Variants in CTNND2 observed in about 807,000 individuals in gnomAD.
The protein encoded by CTNND2 is catenin delta-2.
A neutral mutation model predicts 144.4 loss-of-function variants in CTNND2; 22 were observed. That is an observed-to-expected ratio of 0.15 (90% CI 0.11 to 0.22). The LOEUF (loss-of-function observed/expected upper bound fraction) is 0.22. CTNND2 is among the 10% of genes least tolerant of loss of function. CTNND2 has a pLI of 1.00. For synonymous variants in CTNND2, 751 were observed against 695.6 expected (o/e 1.08, Z -1.25); for missense variants, 1,353 against 1,618.8 (o/e 0.84, Z 2.82).
chr5:11,563,250 G>C (rs1458220953), intron 3 of CTNND2, among the ~76,000 whole-genome samples: 1 of 152,262 alleles, frequency 6.6e-6, no homozygotes, highest in African/African-American at 2.4e-5. Context: ...AGAAATATCA[G>C]GAACATGAAC....
intron 9 of CTNND2, among the ~76,000 whole-genome samples, chr5:11,271,765 T>G (rs1173475903): frequency 6.6e-6 from 1 of 152,200 alleles, no homozygotes; most frequent in African/African-American, 2.4e-5. Context: ...CACCAAGGAC[T>G]GGCTGAATGA....
At chr5:11,029,671 C>A (rs1304550185) in intron 16 of CTNND2, among the ~76,000 whole-genome samples, 1 of 152,092 alleles carries the variant, frequency 6.6e-6, no homozygotes, top group African/African-American at 2.4e-5. Context: ...TAGAAAATTT[C>A]TCTTTAATTA....
chr5:11,733,286 G>T (rs1787496952), intron 1 of CTNND2, among the ~76,000 whole-genome samples: 1 of 152,036 alleles, frequency 6.6e-6, no homozygotes, highest in South Asian at 2.1e-4. Context: ...CTCAACATGT[G>T]GGCTCTGACA....
intron 1 of CTNND2, among the ~76,000 whole-genome samples, chr5:11,734,444 A>G (rs1289716571): frequency 6.6e-6 from 1 of 152,180 alleles, no homozygotes; most frequent in African/African-American, 2.4e-5. Flanking sequence ...GTCTCAAGAG[A>G]TCTGTAGCTC....
At chr5:11,083,686 T>C (rs1276908206) in intron 15 of CTNND2, among the ~76,000 whole-genome samples, 1 of 152,248 alleles carries the variant, frequency 6.6e-6, no homozygotes, top group Non-Finnish European at 1.5e-5. Flanking sequence ...GAGTACAATA[T>C]AAAAATTCAC....
At chr5:11,772,591 T>C (rs1347612083) in intron 1 of CTNND2, among the ~76,000 whole-genome samples, 1 of 152,178 alleles carries the variant, frequency 6.6e-6, no homozygotes, top group Non-Finnish European at 1.5e-5. Flanking sequence ...AAGAGTAAAC[T>C]ATAGATTAAA....
At chr5:10,986,611 G>GT in intron 20 of CTNND2, 1 of 360,916 alleles carries the variant, frequency 2.8e-6, no homozygotes, top group Non-Finnish European at 5.4e-6. Context: ...CAACATGTAA[G>GT]GGGAAACAGT....
chr5:11,583,425 C>T (rs1778591435), intron 2 of CTNND2, among the ~76,000 whole-genome samples: 1 of 152,068 alleles, frequency 6.6e-6, no homozygotes, highest in South Asian at 2.1e-4. Context: ...TGAGCAATGC[C>T]CATGGATAGA....
chr5:10,988,345 T>C lies in CTNND2; in HGVS notation c.3212-103A>G, dbSNP rs1480277782. 18 of 1,410,860 alleles carry C rather than the reference T, an allele frequency of 1.3e-5. No homozygotes were observed. The highest frequency in any genetic ancestry group is 1.8e-5 in the Non-Finnish European group (18 of 1,022,738). 87.4% of individuals were successfully genotyped at this position (1,410,860 alleles called of 1,614,324 possible). A position where few individuals can be genotyped will look rare whatever the true frequency, so the allele number is the denominator to read the frequency against. ...CACTATGCATGGTCCCGCATCTCAA[T>C]GCCTACGTGAGGACCTGATGGGTTT... On this transcript the variant is annotated intron_variant, in intron 19 of 21. Transcript: ENST00000304623. This position sits in a 1 kb window ranked among gnomAD's most constrained non-coding sequence, Gnocchi z 5.9.
intron 1 of CTNND2, among the ~76,000 whole-genome samples, chr5:11,860,825 C>T (rs1795468575): frequency 6.6e-6 from 1 of 152,152 alleles, no homozygotes; most frequent in African/African-American, 2.4e-5. Flanking sequence ...AACATGTCAA[C>T]CCCCTAAATA....
intron 2 of CTNND2, among the ~76,000 whole-genome samples, chr5:11,715,403 A>G (rs1786295355): frequency 6.6e-6 from 1 of 152,236 alleles, no homozygotes; most frequent in Non-Finnish European, 1.5e-5. Flanking sequence ...ATTCCTTCTG[A>G]GTGAATCCAG....
rs201175821 is a variant in CTNND2 at position 11,012,183 on chromosome 5, A to C, written c.3084+5791T>G. ...CTGCTGTTCCATTTGAGACATCAGC[A>C]ATCCACTGAGGCAAGTGTTATGGCT... On this transcript the variant is annotated intron_variant, in intron 18 of 21. Coordinates refer to ENST00000304623, the MANE Select transcript of CTNND2 (RefSeq NM_001332.4). 1.1e-4 allele frequency among the ~76,000 whole-genome samples: 16 copies of C among 152,326 alleles called. No homozygotes were observed. In the East Asian group the frequency reaches 3.1e-3, roughly 29 times the overall value.
At chr5:10,984,137 C>CTTGTT (rs906748199) in intron 20 of CTNND2, among the ~76,000 whole-genome samples, 1 of 152,158 alleles carries the variant, frequency 6.6e-6, no homozygotes, top group African/African-American at 2.4e-5. Context: ...TTGCTGGGAA[C>CTTGTT]TTGTTATACT....
chr5:11,263,000 A>G (rs1248269834), intron 9 of CTNND2, among the ~76,000 whole-genome samples: 1 of 152,116 alleles, frequency 6.6e-6, no homozygotes, highest in Non-Finnish European at 1.5e-5. Flanking sequence ...GATGGCTCTC[A>G]CAAAAGCATA....
chr5:11,744,105 T>A (rs1354749556), intron 1 of CTNND2, among the ~76,000 whole-genome samples: 1 of 152,202 alleles, frequency 6.6e-6, no homozygotes, highest in Non-Finnish European at 1.5e-5. Flanking sequence ...TGGGAGCAGG[T>A]CTTCCTTTGG....
At position 11,199,494 on chromosome 5, in the gene CTNND2, C is replaced by T; in HGVS notation, c.1929G>A (p.Arg643=). Residue 643 remains arginine (R), a synonymous_variant, in exon 11 of 22, where the codon AGG becomes AGA. Transcript: ENST00000304623. Reference sequence around the variant, plus strand: ...CCAGGTCAGTCGTCTTGCGGAGTAACCTCACCAGTGCTGGGATGCCACCAC... The same window carrying T: ...CCAGGTCAGTCGTCTTGCGGAGTAATCTCACCAGTGCTGGGATGCCACCAC... ...KNCGGIPALV[R]LLRKTTDLEI... 1 of 1,614,160 alleles carries T rather than the reference C, an allele frequency of 6.2e-7. No individual in the cohort carries two copies. Among genetic ancestry groups the T allele is most frequent in the Non-Finnish European group, 8.5e-7 (1 of 1,180,032 alleles).
chr5:11,569,510 T>C (rs1039097758), intron 2 of CTNND2, among the ~76,000 whole-genome samples: 1 of 152,208 alleles, frequency 6.6e-6, no homozygotes, highest in Non-Finnish European at 1.5e-5. Context: ...TTTAATTAAA[T>C]GGAGTTTATT....
intron 1 of CTNND2, among the ~76,000 whole-genome samples, chr5:11,822,271 T>C (rs966558548): frequency 2.6e-5 from 4 of 152,222 alleles, no homozygotes; most frequent in Admixed American, 2.6e-4. Flanking sequence ...AGTCTGTATC[T>C]CTACTGCTAT....
chr5:11,691,184 A>G (rs1300175114), intron 2 of CTNND2, among the ~76,000 whole-genome samples: 3 of 152,116 alleles, frequency 2.0e-5, no homozygotes, highest in Non-Finnish European at 4.4e-5. Context: ...ATCCTGGCTA[A>G]CATGGGGCAA....
Sources: gnomAD v4.1 joint callset for allele counts (sites outside exome capture counted in the v4.1 genomes callset) on GRCh38, gnomAD v4.1.1 for gene constraint, Gnocchi (gnomAD v3.1) non-coding constraint, MANE v1.5 for transcripts, NCBI Gene and HGNC (gene_info 2026-07-23, HGNC 2026-07-21) for gene names.